Variants in SCARA5 observed in about 807,000 individuals in gnomAD.
The protein encoded by SCARA5 is scavenger receptor class A member 5, also known as scavenger receptor class A, member 5 (putative).
In SCARA5, 45 loss-of-function variants were observed where a neutral mutation model predicts 46.3. The ratio of observed to expected loss-of-function variants is 0.97; its 90% confidence interval spans 0.76 to 1.24. The LOEUF (loss-of-function observed/expected upper bound fraction) is 1.24. Among genes scored for constraint, SCARA5 ranks in the 50% most tolerant of loss-of-function variants. The pLI, the probability that SCARA5 is intolerant of heterozygous loss-of-function variation, is 0.00. For missense variants in SCARA5, 680 were observed against 689.0 expected, an observed-to-expected ratio of 0.99 and a Z score of 0.15; for synonymous variants, 333 against 306.5, an observed-to-expected ratio of 1.09 and a Z score of -0.90.
chr8:27,873,932 C>T (rs922176759), intron 8 of SCARA5, among the ~76,000 whole-genome samples: 3 of 152,232 alleles, frequency 2.0e-5, no homozygotes, highest in Non-Finnish European at 4.4e-5. Context: ...CGCCTGTAAT[C>T]TCAGCTACGC....
intron 4 of SCARA5, among the ~76,000 whole-genome samples, chr8:27,917,198 C>G (rs952724933): frequency 6.6e-6 from 1 of 152,138 alleles, no homozygotes; most frequent in South Asian, 2.1e-4. Context: ...CATCAAGAAT[C>G]CAAAGCTTAA....
At chr8:27,940,215 T>C (rs1216645797) in intron 3 of SCARA5, among the ~76,000 whole-genome samples, 1 of 152,180 alleles carries the variant, frequency 6.6e-6, no homozygotes, top group Non-Finnish European at 1.5e-5. Flanking sequence ...CATAAAGTAT[T>C]TTAAGGAGGC....
chr8:27,948,241 C>T (rs1808067742), intron 3 of SCARA5, among the ~76,000 whole-genome samples: 1 of 152,134 alleles, frequency 6.6e-6, no homozygotes, highest in African/African-American at 2.4e-5. Context: ...GGTTGCAGGC[C>T]TCCTCCCCAG....
At chr8:27,935,458 C>A (rs1807839413) in intron 3 of SCARA5, among the ~76,000 whole-genome samples, 1 of 152,150 alleles carries the variant, frequency 6.6e-6, no homozygotes, top group Non-Finnish European at 1.5e-5. Context: ...CCCATAAAGA[C>A]CATCTGTGGA....
At position 27,909,655 on chromosome 8, in the gene SCARA5, C is replaced by A. The variant is rs1405931793; in HGVS notation, c.997+8G>T. ...CTCCCAGGTACCACCCAGGGGCACG[C>A]TCATTACCTCGAAGTCCAGGCAATC... On this transcript the variant is annotated splice_region_variant and intron_variant, in intron 5 of 8. Transcript: ENST00000354914. 6 of 1,539,454 alleles carry A rather than the reference C, an allele frequency of 3.9e-6. No homozygotes were observed. The East Asian group carries it at 1.2e-4, about 31-fold the overall frequency.
chr8:27,916,845 T>C (rs1050525664), intron 4 of SCARA5, among the ~76,000 whole-genome samples: 1 of 151,828 alleles, frequency 6.6e-6, no homozygotes, highest in Non-Finnish European at 1.5e-5. Context: ...AGTGTTTGCA[T>C]CCCCCCCGAT....
At chr8:27,963,857 G>A (rs1219055436) in intron 3 of SCARA5, among the ~76,000 whole-genome samples, 1 of 152,062 alleles carries the variant, frequency 6.6e-6, no homozygotes, top group Non-Finnish European at 1.5e-5. Flanking sequence ...GGGTTGCAGT[G>A]GACAATTTTG....
rs567775227 is a variant in SCARA5, at chr8:27,871,215, C to G, written c.*719G>C. 2 of 155,116 alleles carry G rather than the reference C, an allele frequency of 1.3e-5. No individual in the cohort carries two copies. The highest frequency in any genetic ancestry group is 4.8e-5 in the African/African-American group (2 of 41,600). 9.6% of individuals were successfully genotyped at this position (155,116 alleles called of 1,614,324 possible). A position where few individuals can be genotyped will look rare whatever the true frequency, so the allele number is the denominator to read the frequency against. On this transcript the variant is annotated 3_prime_UTR_variant, in exon 9 of 9. Coordinates refer to ENST00000354914, the MANE Select transcript of SCARA5 (RefSeq NM_173833.6). ...GTGCTACCTGGAGGTAAGGCTGTAT[C>G]CAGACTGACATGCCCTGGACCAATG...
rs78416608 is a variant in SCARA5 at position 27,871,333 on chromosome 8, T to C, written c.*601A>G. On this transcript the variant is annotated 3_prime_UTR_variant, in exon 9 of 9. Transcript: ENST00000354914. ...TTAGTTTCATTCCCTTCTCCAAATC[T>C]AGCTGGATTCCTGCAGGTGACTTGC... 0.027 allele frequency: 16,290 copies of C among 596,008 alleles called. 274 individuals carry two copies. The highest frequency in any genetic ancestry group is 0.041 in the Middle Eastern group (46 of 1,134). 36.9% of individuals were successfully genotyped at this position (596,008 alleles called of 1,614,324 possible).
At chr8:27,983,433 T>A (rs181689266) in intron 2 of SCARA5, among the ~76,000 whole-genome samples, 3 of 152,298 alleles carry the variant, frequency 2.0e-5, no homozygotes, top group Admixed American at 2.0e-4. Flanking sequence ...ATTTCCCAAT[T>A]GGTTCCAAAT....
chr8:27,928,668 T>G (rs1182307446), intron 3 of SCARA5, among the ~76,000 whole-genome samples: 1 of 151,976 alleles, frequency 6.6e-6, no homozygotes, highest in Non-Finnish European at 1.5e-5. Flanking sequence ...TCTTTTTTTT[T>G]CTTTCTTTCT....
At chr8:27,915,459 C>A (rs2685331) in intron 4 of SCARA5, among the ~76,000 whole-genome samples, 7 of 152,016 alleles carry the variant, frequency 4.6e-5, no homozygotes, top group East Asian at 3.9e-4. Context: ...CTCCTCAGCC[C>A]TCAGTAGAAC....
rs751627046 is a variant in SCARA5 at position 27,905,523 on chromosome 8, T to TGGCGGGGGGCG, written c.1097-690_1097-689insCGCCCCCCGCC. Reference sequence around the variant, plus strand: ...AGAATGCCCAGGATGATCCAAGATTTGGGGGGGGGAAAAAAAAAAGGCAGC... The same window carrying TGGCGGGGGGCG: ...AGAATGCCCAGGATGATCCAAGATTTGGCGGGGGGCGGGGGGGGGGAAAAAAAAAAGGCAGC... On this transcript the variant is annotated intron_variant, in intron 6 of 8. Transcript: ENST00000354914. 5.6e-5 allele frequency among the ~76,000 whole-genome samples: 3 copies of TGGCGGGGGGCG among 53,638 alleles called. 1 individual carries two copies. The highest frequency in any genetic ancestry group is 3.3e-4 in the East Asian group (1 of 2,994). The allele number at this position is 53,638 out of a possible 152,430, so 35.2% of individuals were successfully genotyped here.
chr8:27,875,910 A>G (rs1304454475), intron 8 of SCARA5, among the ~76,000 whole-genome samples: 1 of 152,180 alleles, frequency 6.6e-6, no homozygotes, highest in Non-Finnish European at 1.5e-5. Context: ...CTGAGGCAGG[A>G]GGATTGCTTG....
At chr8:27,981,379 A>AG (rs1406343362) in intron 2 of SCARA5, among the ~76,000 whole-genome samples, 1 of 152,190 alleles carries the variant, frequency 6.6e-6, no homozygotes, top group Non-Finnish European at 1.5e-5. Context: ...AGAACCTGGA[A>AG]GGGGAAAAGC....
intron 7 of SCARA5, among the ~76,000 whole-genome samples, chr8:27,892,161 G>A (rs1238988668): frequency 6.6e-6 from 1 of 152,242 alleles, no homozygotes; most frequent in East Asian, 1.9e-4. Flanking sequence ...GAGAGGCAGG[G>A]ATGGTGGAAT....
intron 4 of SCARA5, among the ~76,000 whole-genome samples, chr8:27,917,228 A>T (rs1018500703): frequency 1.8e-4 from 28 of 152,246 alleles, no homozygotes; most frequent in Non-Finnish European, 3.2e-4. Context: ...AGCAGGACTA[A>T]GATGAAACTT....
At chr8:27,952,849 G>T (rs1371351871) in intron 3 of SCARA5, among the ~76,000 whole-genome samples, 1 of 152,156 alleles carries the variant, frequency 6.6e-6, no homozygotes, top group Non-Finnish European at 1.5e-5. Flanking sequence ...CACATACCCA[G>T]TTCCTTTTGG....
chr8:27,987,294 T>C (rs1808719098), intron 2 of SCARA5, among the ~76,000 whole-genome samples: 1 of 152,200 alleles, frequency 6.6e-6, no homozygotes, highest in Non-Finnish European at 1.5e-5. Flanking sequence ...ATCTGTAAAA[T>C]GAGTACTCAT....
Sources: gnomAD v4.1 joint callset for allele counts (sites outside exome capture counted in the v4.1 genomes callset) on GRCh38, gnomAD v4.1.1 for gene constraint, MANE v1.5 for transcripts, NCBI Gene and HGNC (gene_info 2026-07-23, HGNC 2026-07-21) for gene names.